Variants in ALDH2 observed in about 807,000 individuals in gnomAD.
ALDH2 encodes aldehyde dehydrogenase 2 family member.
In ALDH2, 44 loss-of-function variants were observed where a neutral mutation model predicts 59.6. That is an observed-to-expected ratio of 0.74 (90% CI 0.58 to 0.95). The LOEUF is 0.95. Ranked by LOEUF, ALDH2 falls within the 40% of genes least tolerant of loss-of-function variation. The probability of loss-of-function intolerance (pLI) is 0.00; values close to 1 mark genes in which losing one functional copy is unlikely to be tolerated. For missense variants in ALDH2, 570 were observed against 696.3 expected, an observed-to-expected ratio of 0.82 and a Z score of 2.04; for synonymous variants, 291 against 284.0, an observed-to-expected ratio of 1.02 and a Z score of -0.25.
In ALDH2 at chr12:111,791,425, GTGACCCTGGCCTCAAGCT is replaced by G; in HGVS notation, c.795+9_795+26del. On this transcript the variant is annotated splice_region_variant and intron_variant, in intron 7 of 12. Coordinates refer to ENST00000261733, the MANE Select transcript of ALDH2 (RefSeq NM_000690.4). ...CATTCACAGGCTCCACTGAGGTAAG[GTGACCCTGGCCTCAAGCT>G]TGCAGCCTCCTTGGCCCAAGCTCCC... 1 of 1,606,904 alleles carries G rather than the reference GTGACCCTGGCCTCAAGCT, an allele frequency of 6.2e-7. No homozygotes were observed. The highest frequency in any genetic ancestry group is 8.5e-7 in the Non-Finnish European group (1 of 1,175,088).
chr12:111,785,920 G>C (rs1378967595), intron 4 of ALDH2, among the ~76,000 whole-genome samples: 1 of 152,018 alleles, frequency 6.6e-6, no homozygotes, highest in African/African-American at 2.4e-5. Context: ...CCATTTTATC[G>C]AGGTTATCTA....
intron 9 of ALDH2, 59 bp downstream of exon 9, chr12:111,792,841 G>A (rs775530257): frequency 3.1e-5 from 47 of 1,499,808 alleles, no homozygotes; most frequent in Non-Finnish European, 4.1e-5. Context: ...AAGCAGAGAG[G>A]GCATCGGGCT....
chr12:111,791,045 T>C (rs441), intron 6 of ALDH2, among the ~76,000 whole-genome samples: 27,179 of 151,936 alleles, frequency 0.18, 2,533 homozygotes, highest in Middle Eastern at 0.27. Flanking sequence ...AGAGACTCGG[T>C]CTCAAAAAAC....
chr12:111,798,337 G>T lies in ALDH2; in HGVS notation c.1248+95G>T, dbSNP rs1035613374. 6.6e-6 allele frequency: 9 copies of T among 1,372,222 alleles called. No homozygotes were observed. The African/African-American group carries it at 7.3e-5, about 11-fold the overall frequency. The allele number at this position is 1,372,222 out of a possible 1,614,324, so 85.0% of individuals were successfully genotyped here. A position where few individuals can be genotyped will look rare whatever the true frequency, so the allele number is the denominator to read the frequency against. On this transcript the variant is annotated intron_variant, in intron 10 of 12. Transcript: ENST00000261733. ...TCCTGATGCTGTCACCCATCTGCTG[G>T]CTTGGGGCCAGATCTCAAGTTATAC...
chr12:111,785,497 G>C (rs779014511), intron 4 of ALDH2, 151 bp downstream of exon 4: 14 of 665,696 alleles, frequency 2.1e-5, no homozygotes, highest in Non-Finnish European at 3.7e-5. Context: ...GCTGAGCCAG[G>C]TGGATTACGT....
Position 111,785,335 on chromosome 12 carries a change from C to G in ALDH2, c.429C>G (p.Leu143=). ...ISYLVDLDMV[L]KCLRYYAGWA... is the part of the protein sequence containing the mutation. The stretch of plus-strand genomic sequence containing the variant: ...ACCTGGTGGATTTGGACATGGTCCT[C>G]AAATGTCTCCGGTATGGGCTCAGCT... The change falls in exon 4 of 13, where the codon CTC becomes CTG. Residue 143 remains leucine, a synonymous_variant. Coordinates refer to ENST00000261733, the MANE Select transcript of ALDH2 (RefSeq NM_000690.4). 2 of 1,613,694 alleles carry G rather than the reference C, an allele frequency of 1.2e-6. No individual in the cohort carries two copies. The highest frequency in any genetic ancestry group is 1.1e-5 in the South Asian group (1 of 91,072).
intron 1 of ALDH2, among the ~76,000 whole-genome samples, chr12:111,770,687 C>T (rs1013430667): frequency 1.3e-5 from 2 of 152,050 alleles, no homozygotes; most frequent in Non-Finnish European, 2.9e-5. Flanking sequence ...CTCTGTTGCC[C>T]AGGGTGGAGT....
intron 12 of ALDH2, among the ~76,000 whole-genome samples, chr12:111,805,773 C>T (rs1464414772): frequency 6.6e-6 from 1 of 152,012 alleles, no homozygotes; most frequent in Non-Finnish European, 1.5e-5. Context: ...GCGTATAATC[C>T]CAGCACTTCT....
intron 2 of ALDH2, 104 bp from the exon 3 acceptor site, chr12:111,783,054 A>G: frequency 1.4e-6 from 2 of 1,440,950 alleles, no homozygotes; most frequent in South Asian, 1.4e-5. Context: ...TTTTCTGTGC[A>G]GCGATATGCT....
chr12:111,790,707 C>T, intron 6 of ALDH2, 145 bp downstream of exon 6: 2 of 1,092,078 alleles, frequency 1.8e-6, no homozygotes, highest in Non-Finnish European at 2.6e-6. Context: ...GTGGCTCCCT[C>T]TTAGCTTTTT....
At chr12:111,771,319 C>T (rs1470586765) in intron 1 of ALDH2, among the ~76,000 whole-genome samples, 1 of 152,070 alleles carries the variant, frequency 6.6e-6, no homozygotes, top group African/African-American at 2.4e-5. Context: ...ATTGCTTGAG[C>T]CAAGGAGTTT....
At position 111,791,421 on chromosome 12, in the gene ALDH2, T is replaced by C; in HGVS notation, c.795+2T>C. The C allele has an allele frequency of 6.2e-7, 1 of 1,607,392 alleles. No individual in the cohort carries two copies. Among genetic ancestry groups the C allele is most frequent in the Non-Finnish European group, 8.5e-7 (1 of 1,175,054 alleles). On this transcript the variant is annotated splice_donor_variant, in intron 7 of 12. Transcript: ENST00000261733. LOFTEE classifies it high-confidence loss of function. The stretch of plus-strand genomic sequence containing the variant: ...GTGGCATTCACAGGCTCCACTGAGG[T>C]AAGGTGACCCTGGCCTCAAGCTTGC...
rs1215723720 is a variant in ALDH2 at position 111,813,078 on chromosome 12, TCTC to T, written c.*3506_*3508del. 6.6e-6 allele frequency: 1 copy of T among 152,186 alleles called. No individual in the cohort carries two copies. Among genetic ancestry groups the T allele is most frequent in the African/African-American group, 2.4e-5 (1 of 41,448 alleles). The allele number at this position is 152,186 out of a possible 1,614,324, so 9.4% of individuals were successfully genotyped here. The stretch of plus-strand genomic sequence containing the variant: ...GATTTTGACAACCTAGACACATTAA[TCTC>T]CTTGCACTTTTAGTGACAGGAACCC... On this transcript the variant is annotated 3_prime_UTR_variant, in exon 13 of 13. Transcript: ENST00000261733.
At chr12:111,784,392 C>T (rs1020918407) in intron 3 of ALDH2, among the ~76,000 whole-genome samples, 4 of 152,230 alleles carry the variant, frequency 2.6e-5, no homozygotes, top group African/African-American at 7.2e-5. Context: ...CACATGTGCT[C>T]CTGAGCCTGG....
chr12:111,798,238 AG>A lies in ALDH2; in HGVS notation c.1246del (p.Glu416ArgfsTer6). 6.4e-7 allele frequency: 1 copy of A among 1,554,690 alleles called. No individual in the cohort carries two copies. Among genetic ancestry groups the A allele is most frequent in the Non-Finnish European group, 8.7e-7 (1 of 1,149,412 alleles). On this transcript the variant is annotated frameshift_variant, in exon 10 of 13. Coordinates refer to ENST00000261733, the MANE Select transcript of ALDH2 (RefSeq NM_000690.4). LOFTEE classifies it high-confidence loss of function. ...CAGGATGGCATGACCATCGCCAAGG[AG>A]GAGGTGAGCACTTGGGGCCAGTGCT... ...DVQDGMTIAK[E>X]EIFGPVMQIL...
intron 3 of ALDH2, among the ~76,000 whole-genome samples, chr12:111,784,907 A>AGACTAGAGGCTAAGAGTC (rs2076180683): frequency 1.3e-5 from 2 of 152,210 alleles, no homozygotes; most frequent in Admixed American, 6.6e-5. Context: ...TAGCACTCTT[A>AGACTAGAGGCTAAGAGTC]ACACATGTGA....
chr12:111,795,309 G>A (rs1043406975), intron 9 of ALDH2, among the ~76,000 whole-genome samples: 7 of 152,030 alleles, frequency 4.6e-5, no homozygotes, highest in African/African-American at 1.4e-4. Context: ...TTTTGAGACC[G>A]TCTCGCTCTG....
rs892328068 is a variant in ALDH2, at chr12:111,815,294, T to G, written c.*5719T>G. The G allele has an allele frequency of 6.6e-6, 1 of 152,220 alleles. No individual in the cohort carries two copies. Among genetic ancestry groups the G allele is most frequent in the African/African-American group, 2.4e-5 (1 of 41,460 alleles). 9.4% of individuals were successfully genotyped at this position (152,220 alleles called of 1,614,324 possible). A position where few individuals can be genotyped will look rare whatever the true frequency, so the allele number is the denominator to read the frequency against. On this transcript the variant is annotated 3_prime_UTR_variant, in exon 13 of 13. Transcript: ENST00000261733. The stretch of plus-strand genomic sequence containing the variant: ...GGTGCGATCATAGCTCACTGCAGCC[T>G]CTACCTCCTAGGCTCAGGTGATTCT...
At position 111,809,678 on chromosome 12, in the gene ALDH2, A is replaced by G; in HGVS notation, c.*103A>G. ...TTGCGTGCTGAATATCTGAAAAGAG[A>G]AATTTTTCCTACAAAATCTCTTGGG... On this transcript the variant is annotated 3_prime_UTR_variant, in exon 13 of 13. Coordinates refer to ENST00000261733, the MANE Select transcript of ALDH2 (RefSeq NM_000690.4). 7.6e-7 allele frequency: 1 copy of G among 1,307,648 alleles called. No individual in the cohort carries two copies. The highest frequency in any genetic ancestry group is 1.1e-6 in the Non-Finnish European group (1 of 923,714). 81.0% of individuals were successfully genotyped at this position (1,307,648 alleles called of 1,614,324 possible). A position where few individuals can be genotyped will look rare whatever the true frequency, so the allele number is the denominator to read the frequency against.
Sources: allele counts gnomAD v4.1 joint callset (sites outside exome capture counted in the v4.1 genomes callset), GRCh38; gene constraint gnomAD v4.1.1; transcripts MANE v1.5; gene names NCBI Gene and HGNC (gene_info 2026-07-23, HGNC 2026-07-21).